The following ANKRD13C variants were observed in gnomAD, a reference collection of about 807,000 sequenced individuals.
ANKRD13C encodes ankyrin repeat domain-containing protein 13C.
Under a neutral mutation model 65.5 loss-of-function variants are expected in ANKRD13C, and 16 were observed. The observed-to-expected ratio is 0.24, with a 90% CI of 0.17 to 0.37. The LOEUF (loss-of-function observed/expected upper bound fraction) is 0.37, where lower values mean the gene tolerates loss of function less well. Among genes scored for constraint, ANKRD13C ranks in the 10% least tolerant of loss-of-function variants. The probability of loss-of-function intolerance (pLI) is 1.00; values close to 1 mark genes in which losing one functional copy is unlikely to be tolerated. For missense variants in ANKRD13C, 503 were observed against 655.9 expected (o/e 0.77, Z 2.55); for synonymous variants, 235 against 238.7 (o/e 0.98, Z 0.14).
chr1:70,295,649 C>T (rs997415082), intron 8 of ANKRD13C, among the ~76,000 whole-genome samples: 2 of 151,838 alleles, frequency 1.3e-5, no homozygotes, highest in African/African-American at 4.8e-5. Context: ...AAACTTCCCC[C>T]GAGATTTGAT....
At chr1:70,264,293 T>C (rs555118666) in intron 12 of ANKRD13C, among the ~76,000 whole-genome samples, 89 of 151,938 alleles carry the variant, frequency 5.9e-4, no homozygotes, top group African/African-American at 2.1e-3. Flanking sequence ...CTGGCCAACA[T>C]GGTGAAACCC....
intron 2 of ANKRD13C, among the ~76,000 whole-genome samples, chr1:70,326,585 T>C (rs1390231289): frequency 6.6e-6 from 1 of 152,116 alleles, no homozygotes; most frequent in East Asian, 1.9e-4. Context: ...CACAATAATG[T>C]AAAATAAATA....
intron 7 of ANKRD13C, among the ~76,000 whole-genome samples, chr1:70,299,933 A>C (rs767251664): frequency 2.0e-5 from 3 of 152,334 alleles, no homozygotes; most frequent in Non-Finnish European, 2.9e-5. Flanking sequence ...AACCACATCA[A>C]GGGCATATCA....
At chr1:70,285,011 T>C (rs1040988347) in intron 9 of ANKRD13C, among the ~76,000 whole-genome samples, 1 of 152,118 alleles carries the variant, frequency 6.6e-6, no homozygotes, top group African/African-American at 2.4e-5. Flanking sequence ...TACTCTCTGA[T>C]AAAATATAAT....
chr1:70,274,860 A>G, intron 10 of ANKRD13C, 42 bp from the exon 11 acceptor site: 1 of 1,229,744 alleles, frequency 8.1e-7, no homozygotes, highest in Non-Finnish European at 1.2e-6. Context: ...CTTTTTCCAT[A>G]GTCTATCACC....
intron 1 of ANKRD13C, among the ~76,000 whole-genome samples, chr1:70,341,175 T>C (rs1055400747): frequency 2.6e-5 from 4 of 152,158 alleles, no homozygotes; most frequent in African/African-American, 9.7e-5. Flanking sequence ...TTGCATGGAA[T>C]ATATTTTTCA....
At chr1:70,330,906 A>G (rs1040593320) in intron 2 of ANKRD13C, among the ~76,000 whole-genome samples, 1 of 152,172 alleles carries the variant, frequency 6.6e-6, no homozygotes. Flanking sequence ...CTTAAGTATA[A>G]TATTCTTCAT....
At chr1:70,273,071 T>A (rs1678966626) in intron 11 of ANKRD13C, among the ~76,000 whole-genome samples, 1 of 151,978 alleles carries the variant, frequency 6.6e-6, no homozygotes, top group African/African-American at 2.4e-5. Context: ...GTCCTAGATA[T>A]GACAAATTTT....
At chr1:70,299,025 G>A (rs763870995) in intron 7 of ANKRD13C, among the ~76,000 whole-genome samples, 23 of 151,000 alleles carry the variant, frequency 1.5e-4, no homozygotes, top group Non-Finnish European at 2.8e-4. Context: ...ACCAATAGAA[G>A]GGAAAAAAGC....
Position 70,276,228 on chromosome 1 carries a change from G to A in ANKRD13C, c.1295+537C>T, listed in dbSNP as rs561037639. On this transcript the variant is annotated intron_variant, in intron 10 of 12. Transcript: ENST00000370944. ...TAGTCAATAAATATAAACTGAGTATGAGCTATGTGGTAGGCACTCTACTGT... is the reference window on the plus strand; with the variant it reads ...TAGTCAATAAATATAAACTGAGTATAAGCTATGTGGTAGGCACTCTACTGT... Among the ~76,000 whole-genome samples the A allele has an allele frequency of 2.0e-5, 3 of 152,138 alleles. No homozygotes were observed. In the South Asian group the frequency reaches 6.2e-4, roughly 32 times the overall value.
At position 70,273,886 on chromosome 1, in the gene ANKRD13C, C is replaced by T. The variant is rs1048602149; in HGVS notation, c.1394+834G>A. 9.9e-5 allele frequency among the ~76,000 whole-genome samples: 15 copies of T among 151,840 alleles called. 1 individual carries two copies. The highest frequency in any genetic ancestry group is 9.8e-4 in the Admixed American group (15 of 15,260). ...GGCCAGGCAGATCTCAAACTCCTGA[C>T]CTCAGATGATCCGCCCACCTTGGCC... is the stretch of plus-strand genomic sequence containing the variant. On this transcript the variant is annotated intron_variant, in intron 11 of 12. Transcript: ENST00000370944.
chr1:70,349,573 A>G (rs1371947466), intron 1 of ANKRD13C, among the ~76,000 whole-genome samples: 1 of 152,188 alleles, frequency 6.6e-6, no homozygotes, highest in Non-Finnish European at 1.5e-5. Context: ...CTTCTATTCA[A>G]TTTAAGTCAG....
chr1:70,267,468 A>G (rs269274), intron 12 of ANKRD13C, among the ~76,000 whole-genome samples: 74,186 of 151,804 alleles, frequency 0.49, 18,292 homozygotes, highest in South Asian at 0.63. Flanking sequence ...CAGCCTCCTA[A>G]GTTTAAGCAA....
At position 70,260,903 on chromosome 1, in the gene ANKRD13C, T is replaced by C. The variant is rs1057352764; in HGVS notation, c.*1814A>G. 6.6e-6 allele frequency: 1 copy of C among 152,068 alleles called. No individual in the cohort carries two copies. Among genetic ancestry groups the C allele is most frequent in the African/African-American group, 2.4e-5 (1 of 41,430 alleles). 9.4% of individuals were successfully genotyped at this position (152,068 alleles called of 1,614,324 possible). On this transcript the variant is annotated 3_prime_UTR_variant, in exon 13 of 13. Coordinates refer to ENST00000370944, the MANE Select transcript of ANKRD13C (RefSeq NM_030816.5). ...TAAGGTGTCTGTACTTATGAAAACA[T>C]ATATAGCATATTCCTGAAAGTATAC...
chr1:70,314,635 G>A (rs949109029), intron 4 of ANKRD13C, among the ~76,000 whole-genome samples: 1 of 151,552 alleles, frequency 6.6e-6, no homozygotes, highest in Non-Finnish European at 1.5e-5. Flanking sequence ...ACATCAACAA[G>A]TTAGTCTTTC....
intron 3 of ANKRD13C, among the ~76,000 whole-genome samples, chr1:70,317,565 TA>T (rs1358824511): frequency 3.3e-5 from 5 of 152,050 alleles, no homozygotes; most frequent in South Asian, 4.1e-4. Context: ...CAATCACCAG[TA>T]AAAAAAATTT....
At chr1:70,322,639 C>T (rs890522031) in intron 3 of ANKRD13C, among the ~76,000 whole-genome samples, 5 of 152,102 alleles carry the variant, frequency 3.3e-5, no homozygotes, top group Non-Finnish European at 7.3e-5. Context: ...TTTTATTCTC[C>T]ACATCTTAAT....
At chr1:70,315,091 T>G (rs374251932) in intron 4 of ANKRD13C, among the ~76,000 whole-genome samples, 3 of 151,934 alleles carry the variant, frequency 2.0e-5, no homozygotes, top group East Asian at 3.9e-4. Flanking sequence ...ATACAAAAAA[T>G]TAGCTGGGCG....
At chr1:70,293,232 AC>A (rs1679935649) in intron 8 of ANKRD13C, among the ~76,000 whole-genome samples, 1 of 152,012 alleles carries the variant, frequency 6.6e-6, no homozygotes, top group South Asian at 2.1e-4. Context: ...TTCAACATTA[AC>A]TTTTACCTTT....
Sources: allele counts gnomAD v4.1 joint callset (sites outside exome capture counted in the v4.1 genomes callset), GRCh38; gene constraint gnomAD v4.1.1; transcripts MANE v1.5; gene names NCBI Gene and HGNC (gene_info 2026-07-23, HGNC 2026-07-21).